The following TASP1 variants were observed in gnomAD, a reference collection of about 807,000 sequenced individuals.
TASP1 encodes threonine aspartase 1.
In TASP1, 16 loss-of-function variants were observed where a neutral mutation model predicts 56.6. The ratio of observed to expected loss-of-function variants is 0.28; its 90% CI spans 0.19 to 0.43. The LOEUF is 0.43. Among genes scored for constraint, TASP1 ranks in the 20% least tolerant of loss-of-function variants. The probability of loss-of-function intolerance (pLI) is 1.00; values close to 1 mark genes in which losing one functional copy is unlikely to be tolerated. For synonymous variants in TASP1, 179 were observed against 184.2 expected (o/e 0.97, Z 0.23); for missense variants, 393 against 511.6 (o/e 0.77, Z 2.24).
At chr20:13,438,535 C>G (rs1419056661) in intron 11 of TASP1, among the ~76,000 whole-genome samples, 1 of 152,142 alleles carries the variant, frequency 6.6e-6, no homozygotes, top group Non-Finnish European at 1.5e-5. Context: ...AATGTTAGAC[C>G]TAAAACCATA....
chr20:13,327,689 A>G, the TASP1 span, among the ~76,000 whole-genome samples: 1 of 152,212 alleles, frequency 6.6e-6, no homozygotes, highest in East Asian at 1.9e-4. Context: ...CAAACTTGAC[A>G]AAAACAAGCA....
the TASP1 span, among the ~76,000 whole-genome samples, chr20:13,313,448 G>A: frequency 6.6e-6 from 1 of 152,168 alleles, no homozygotes; most frequent in Non-Finnish European, 1.5e-5. Flanking sequence ...GGTAAACACG[G>A]AGCCGTAGTC....
chr20:13,143,157 C>A, the TASP1 span, among the ~76,000 whole-genome samples: 2 of 152,102 alleles, frequency 1.3e-5, no homozygotes, highest in African/African-American at 2.4e-5. Context: ...GAGGACATGT[C>A]TTGGGCACCA....
At chr20:13,451,052 C>T (rs191986396) in intron 11 of TASP1, among the ~76,000 whole-genome samples, 5 of 152,146 alleles carry the variant, frequency 3.3e-5, no homozygotes, top group South Asian at 2.1e-4. Flanking sequence ...AACCCTTGGA[C>T]GACCAGGTGC....
intron 4 of TASP1, among the ~76,000 whole-genome samples, chr20:13,611,102 A>G (rs1355440406): frequency 6.6e-6 from 1 of 152,238 alleles, no homozygotes; most frequent in Non-Finnish European, 1.5e-5. Context: ...TTTCTGGGCA[A>G]TCATCACAAA....
chr20:13,535,845 C>T (rs1043413231), intron 8 of TASP1, among the ~76,000 whole-genome samples: 8 of 152,126 alleles, frequency 5.3e-5, no homozygotes, highest in Admixed American at 1.3e-4. Flanking sequence ...CAGATGCTGC[C>T]GCTATCTTAG....
intron 8 of TASP1, among the ~76,000 whole-genome samples, chr20:13,549,204 C>T (rs1304046324): frequency 6.6e-6 from 1 of 152,052 alleles, no homozygotes; most frequent in African/African-American, 2.4e-5. Flanking sequence ...TGTCTCTCAC[C>T]TTACCCTATT....
the TASP1 span, among the ~76,000 whole-genome samples, chr20:13,114,421 G>A: frequency 4.5e-4 from 68 of 152,304 alleles, 1 homozygote; most frequent in Non-Finnish European, 9.6e-4. Flanking sequence ...GAGGTGTGGT[G>A]TCCCAAATAA....
chr20:13,391,383 G>C (rs533966338), intron 13 of TASP1, among the ~76,000 whole-genome samples: 1 of 152,082 alleles, frequency 6.6e-6, no homozygotes, highest in Non-Finnish European at 1.5e-5. Flanking sequence ...TCCTCTTTTT[G>C]GTGATCTGGC....
intron 2 of TASP1, 41 bp downstream of exon 2, chr20:13,629,893 T>G: frequency 6.2e-7 from 1 of 1,608,136 alleles, no homozygotes; most frequent in Non-Finnish European, 8.5e-7. Flanking sequence ...AAAAGAAAAA[T>G]CAACATTATT....
At chr20:13,160,723 T>C in the TASP1 span, among the ~76,000 whole-genome samples, 1 of 152,212 alleles carries the variant, frequency 6.6e-6, no homozygotes, top group Non-Finnish European at 1.5e-5. Flanking sequence ...GCAAACACTA[T>C]TGAGAGTCAA....
chr20:13,192,230 A>T, the TASP1 span, among the ~76,000 whole-genome samples: 1 of 152,148 alleles, frequency 6.6e-6, no homozygotes, highest in African/African-American at 2.4e-5. Flanking sequence ...CATGGATCTG[A>T]AATTTGGAGG....
the TASP1 span, among the ~76,000 whole-genome samples, chr20:13,238,400 C>T: frequency 6.6e-6 from 1 of 152,142 alleles, no homozygotes. Flanking sequence ...ATTCATAGCC[C>T]ATTACTCATT....
chr20:13,418,003 C>T (rs1225731240), intron 12 of TASP1, among the ~76,000 whole-genome samples: 23 of 152,174 alleles, frequency 1.5e-4, no homozygotes, highest in Admixed American at 1.4e-3. Context: ...GACTCTGCCT[C>T]GCAGGTTCAA....
intron 11 of TASP1, among the ~76,000 whole-genome samples, chr20:13,471,268 T>C (rs1165590908): frequency 6.6e-6 from 1 of 152,114 alleles, no homozygotes; most frequent in Non-Finnish European, 1.5e-5. Context: ...CATATGGAAG[T>C]ACCATAAATC....
intron 11 of TASP1, among the ~76,000 whole-genome samples, chr20:13,436,035 A>C (rs2042989262): frequency 6.6e-6 from 1 of 152,146 alleles, no homozygotes; most frequent in Non-Finnish European, 1.5e-5. Context: ...GAAAAAACTG[A>C]CCTTTTGGAA....
At chr20:13,320,456 G>T in the TASP1 span, among the ~76,000 whole-genome samples, 1 of 152,118 alleles carries the variant, frequency 6.6e-6, no homozygotes, top group South Asian at 2.1e-4. Context: ...CCGAACTCTG[G>T]TTAATTTAAA....
chr20:13,468,357 T>C (rs2044345436), intron 11 of TASP1, among the ~76,000 whole-genome samples: 1 of 120,372 alleles, frequency 8.3e-6, no homozygotes, highest in Non-Finnish European at 1.9e-5. Context: ...TGCTAATGAA[T>C]GGACTGGATT....
chr20:13,388,554 G>A (rs553002045), downstream of TASP1, among the ~76,000 whole-genome samples: 3 of 152,312 alleles, frequency 2.0e-5, no homozygotes, highest in East Asian at 3.9e-4. Context: ...AAAAGGAGAT[G>A]AAAGAAGTGG....
Sources: gnomAD v4.1 joint callset for allele counts (sites outside exome capture counted in the v4.1 genomes callset) on GRCh38, gnomAD v4.1.1 for gene constraint, MANE v1.5 for transcripts, NCBI Gene and HGNC (gene_info 2026-07-23, HGNC 2026-07-21) for gene names.